Variants in CEACAM3 observed in about 807,000 individuals in gnomAD.
The protein encoded by CEACAM3 is cell adhesion molecule CEACAM3.
In CEACAM3, 32 loss-of-function variants were observed where a neutral mutation model predicts 30.1. The observed-to-expected ratio is 1.06, with a 90% CI of 0.80 to 1.43. The LOEUF (loss-of-function observed/expected upper bound fraction) is 1.43. CEACAM3 is among the 40% of genes most tolerant of loss of function. CEACAM3 has a pLI of 0.00. For synonymous variants in CEACAM3, 134 were observed against 127.2 expected (o/e 1.05, Z -0.36); for missense variants, 290 against 316.3 (o/e 0.92, Z 0.63).
Position 41,811,475 on chromosome 19 carries a change from C to T in CEACAM3, c.*238C>T, listed in dbSNP as rs1568745232. ...CTCTCATCACCGCAGAAAGCGGGGG[C>T]TTGCAGGGAAAGTGAATGGGCCTGT... On this transcript the variant is annotated 3_prime_UTR_variant, in exon 7 of 7. Transcript: ENST00000357396. 1 of 519,122 alleles carries T rather than the reference C, an allele frequency of 1.9e-6. No individual in the cohort carries two copies. Among genetic ancestry groups the T allele is most frequent in the Middle Eastern group, 5.2e-4 (1 of 1,914 alleles). 32.2% of individuals were successfully genotyped at this position (519,122 alleles called of 1,614,324 possible).
chr19:41,803,416 T>TTGTGTGTG (rs1555826235), intron 2 of CEACAM3, among the ~76,000 whole-genome samples: 9 of 129,284 alleles, frequency 7.0e-5, no homozygotes, highest in African/African-American at 2.4e-4. Flanking sequence ...CAGCAAAGTT[T>TTGTGTGTG]TGTGTGTGTA....
intron 1 of CEACAM3, among the ~76,000 whole-genome samples, 155 bp from the exon 2 acceptor site, chr19:41,797,434 G>A (rs2073110400): frequency 1.3e-5 from 2 of 152,168 alleles, no homozygotes; most frequent in South Asian, 2.1e-4. Flanking sequence ...TAGAGGTGCT[G>A]AAGAAAGAAA....
chr19:41,809,580 G>A (rs571971491), intron 3 of CEACAM3: 24 of 190,984 alleles, frequency 1.3e-4, no homozygotes, highest in Non-Finnish European at 2.3e-4. Context: ...TGAGTTCCAG[G>A]AGAATCCAAG....
intron 2 of CEACAM3, among the ~76,000 whole-genome samples, chr19:41,803,569 C>CCATT (rs2073173003): frequency 1.3e-5 from 2 of 151,896 alleles, no homozygotes; most frequent in South Asian, 4.2e-4. Flanking sequence ...TGGGTTCACG[C>CCATT]CATTCTCCTG....
In CEACAM3 at chr19:41,797,858, G is replaced by T. The variant is rs142927755; in HGVS notation, c.334G>T (p.Val112Phe). 3 of 1,613,734 alleles carry T rather than the reference G, an allele frequency of 1.9e-6. No individual in the cohort carries two copies. In the African/African-American group the frequency reaches 4.0e-5, roughly 22 times the overall value. Reference sequence around the variant, plus strand: ...CAATGCATCCCTGCTGATCCAGAATGTCACCCAGAATGACATAGGATTCTA... The same window carrying T: ...CAATGCATCCCTGCTGATCCAGAATTTCACCCAGAATGACATAGGATTCTA... ...YTNASLLIQN[V>F]TQNDIGFYTL... Residue 112 changes from valine to phenylalanine, a missense_variant, in exon 2 of 7, where the codon GTC becomes TTC. Val to Phe is a conservative substitution (Grantham distance 50). Coordinates refer to ENST00000357396, the MANE Select transcript of CEACAM3 (RefSeq NM_001815.5).
At chr19:41,810,277 A>G in intron 4 of CEACAM3, 46 bp from the exon 5 acceptor site, 5 of 1,586,172 alleles carry the variant, frequency 3.2e-6, no homozygotes, top group Non-Finnish European at 4.3e-6. Context: ...GAGAGGGGAT[A>G]AGGCTCTCCT....
chr19:41,805,998 GTT>G (rs1568741887), intron 2 of CEACAM3, among the ~76,000 whole-genome samples: 1 of 143,928 alleles, frequency 6.9e-6, no homozygotes, highest in Non-Finnish European at 1.5e-5. Context: ...TCTTCCTGTT[GTT>G]GTTGTTTGTT....
At chr19:41,800,714 G>A (rs1555825905) in intron 2 of CEACAM3, among the ~76,000 whole-genome samples, 1 of 152,158 alleles carries the variant, frequency 6.6e-6, no homozygotes, top group African/African-American at 2.4e-5. Context: ...CTGCCAGGCA[G>A]GGAAGGGCCC....
chr19:41,806,050 C>T (rs751284568), intron 2 of CEACAM3, among the ~76,000 whole-genome samples: 4 of 151,844 alleles, frequency 2.6e-5, no homozygotes, highest in South Asian at 2.1e-4. Flanking sequence ...GTTGTTGTTA[C>T]GGAGTCTTGC....
At chr19:41,810,747 G>T in intron 5 of CEACAM3, 85 bp from the exon 6 acceptor site, 1 of 1,252,248 alleles carries the variant, frequency 8.0e-7, no homozygotes, top group Non-Finnish European at 1.2e-6. Context: ...ATGACCAGAA[G>T]TAAACACAGA....
intron 2 of CEACAM3, chr19:41,807,076 C>T (rs781912640): frequency 6.2e-7 from 1 of 1,608,876 alleles, no homozygotes; most frequent in Non-Finnish European, 8.5e-7. Context: ...TCACAGGTGC[C>T]ACACAGGGCA....
At chr19:41,802,330 G>A (rs1044817477) in intron 2 of CEACAM3, among the ~76,000 whole-genome samples, 5 of 152,166 alleles carry the variant, frequency 3.3e-5, no homozygotes, top group Admixed American at 3.3e-4. Flanking sequence ...GTTATAACAA[G>A]TATAAAACTG....
intron 2 of CEACAM3, among the ~76,000 whole-genome samples, chr19:41,803,713 G>T (rs1393827917): frequency 9.5e-6 from 1 of 105,658 alleles, no homozygotes; most frequent in Non-Finnish European, 2.3e-5. Context: ...TGATCTGCCC[G>T]CCTTGGCCTC....
chr19:41,806,272 T>C (rs2073199168), intron 2 of CEACAM3, among the ~76,000 whole-genome samples: 1 of 152,108 alleles, frequency 6.6e-6, no homozygotes, highest in African/African-American at 2.4e-5. Flanking sequence ...TCAGGTGATC[T>C]GCCCACCTCG....
rs782790400 is a variant in CEACAM3, at chr19:41,811,134, A to G, written c.694-38A>G. On this transcript the variant is annotated intron_variant, in intron 6 of 6. Coordinates refer to ENST00000357396, the MANE Select transcript of CEACAM3 (RefSeq NM_001815.5). ...GGAGACGCCACACCCTGTTCTGAGG[A>G]GACTAGAGGGGTCCAGGCCTCTTCT... is the stretch of plus-strand genomic sequence containing the variant. The G allele has an allele frequency of 3.7e-6, 6 of 1,604,996 alleles. No homozygotes were observed. In the South Asian group the frequency reaches 6.6e-5, roughly 18 times the overall value.
Position 41,796,659 on chromosome 19 carries a change from A to G in CEACAM3, c.-19A>G. ...CAGGCTCTTTTCCACAGAGGAGGAA[A>G]GAGCAGGCAGCAGAGACCATGGGGC... On this transcript the variant is annotated 5_prime_UTR_variant, in exon 1 of 7. Transcript: ENST00000357396. The G allele has an allele frequency of 6.2e-7, 1 of 1,614,106 alleles. No individual in the cohort carries two copies. Among genetic ancestry groups the G allele is most frequent in the Non-Finnish European group, 8.5e-7 (1 of 1,179,934 alleles).
chr19:41,811,171 G>A lies in CEACAM3; in HGVS notation c.694-1G>A. The stretch of plus-strand genomic sequence containing the variant: ...TCCAGGCCTCTTCTCTGTTTTAACA[G>A]GAATTGCTAAAACATGACACAAACA... On this transcript the variant is annotated splice_acceptor_variant, in intron 6 of 6. Transcript: ENST00000357396. LOFTEE classifies it high-confidence loss of function. 6.2e-7 allele frequency: 1 copy of A among 1,614,016 alleles called. No homozygotes were observed. The highest frequency in any genetic ancestry group is 8.5e-7 in the Non-Finnish European group (1 of 1,179,918).
chr19:41,796,944 T>C (rs1440674578), intron 1 of CEACAM3, among the ~76,000 whole-genome samples: 2 of 152,228 alleles, frequency 1.3e-5, no homozygotes, highest in Non-Finnish European at 2.9e-5. Flanking sequence ...CCATTGATCA[T>C]GTTTTCCAAG....
intron 3 of CEACAM3, 193 bp downstream of exon 3, chr19:41,809,123 CTG>C (rs2073228184): frequency 4.1e-6 from 2 of 482,428 alleles, no homozygotes; most frequent in Admixed American, 3.8e-5. Context: ...GCTTCCTCCT[CTG>C]TGAATTTGGC....
Sources: gnomAD v4.1 joint callset for allele counts (sites outside exome capture counted in the v4.1 genomes callset) on GRCh38, gnomAD v4.1.1 for gene constraint, MANE v1.5 for transcripts, NCBI Gene and HGNC (gene_info 2026-07-23, HGNC 2026-07-21) for gene names.